Variants in NRCAM observed in about 807,000 individuals in gnomAD.
NRCAM encodes NgCAM-related cell adhesion molecule.
Under a neutral mutation model 156.5 loss-of-function variants are expected in NRCAM, and 83 were observed. The ratio of observed to expected loss-of-function variants is 0.53; its 90% CI spans 0.44 to 0.64. The LOEUF (loss-of-function observed/expected upper bound fraction) is 0.64, where lower values mean the gene tolerates loss of function less well. NRCAM is among the 30% of genes least tolerant of loss of function. The pLI is 0.00. For synonymous variants in NRCAM, 538 were observed against 563.9 expected (o/e 0.95, Z 0.65); for missense variants, 1,417 against 1,597.3 (o/e 0.89, Z 1.92).
At chr7:108,415,817 G>C (rs1800853470) in intron 1 of NRCAM, among the ~76,000 whole-genome samples, 1 of 152,228 alleles carries the variant, frequency 6.6e-6, no homozygotes, top group Non-Finnish European at 1.5e-5. Flanking sequence ...AGGAGATGGA[G>C]GTTGCAGTGA....
At chr7:108,224,244 T>C (rs2093000791) in intron 10 of NRCAM, among the ~76,000 whole-genome samples, 1 of 152,090 alleles carries the variant, frequency 6.6e-6, no homozygotes, top group African/African-American at 2.4e-5. Context: ...TTCTGGAAGA[T>C]GTTAGATTTT....
intron 2 of NRCAM, among the ~76,000 whole-genome samples, chr7:108,382,869 G>C (rs999151628): frequency 7.9e-5 from 12 of 152,152 alleles, no homozygotes; most frequent in African/African-American, 2.7e-4. Context: ...GAAAAGCACT[G>C]TGGAACACTC....
At chr7:108,289,003 C>A (rs1374401356) in intron 3 of NRCAM, among the ~76,000 whole-genome samples, 1 of 151,972 alleles carries the variant, frequency 6.6e-6, no homozygotes, top group African/African-American at 2.4e-5. Context: ...ATTGGAATAG[C>A]ACATGAATTG....
In NRCAM at chr7:108,398,596, C is replaced by A. The variant is rs868267607; in HGVS notation, c.-174+840G>T. 6.1e-4 allele frequency among the ~76,000 whole-genome samples: 93 copies of A among 152,258 alleles called. 1 individual carries two copies. Among genetic ancestry groups the A allele is most frequent in the South Asian group, 2.1e-3 (10 of 4,824 alleles). ...ATTTCACACCCCTATCCCACTGCTC[C>A]TACCTGCAATGCCCTTGTCCACCCT... On this transcript the variant is annotated intron_variant, in intron 2 of 32. Transcript: ENST00000379028.
intron 22 of NRCAM, among the ~76,000 whole-genome samples, chr7:108,183,217 C>T (rs1371551911): frequency 3.9e-5 from 6 of 152,100 alleles, no homozygotes; most frequent in African/African-American, 7.2e-5. Flanking sequence ...TTAGACATTT[C>T]GGTCACATAG....
At chr7:108,393,566 C>T (rs892072503) in intron 2 of NRCAM, among the ~76,000 whole-genome samples, 1 of 151,824 alleles carries the variant, frequency 6.6e-6, no homozygotes, top group Non-Finnish European at 1.5e-5. Flanking sequence ...CTTCGGCTCT[C>T]ACTCAGTGGG....
intron 11 of NRCAM, among the ~76,000 whole-genome samples, chr7:108,211,166 C>G (rs561251434): frequency 6.6e-6 from 1 of 151,970 alleles, no homozygotes; most frequent in African/African-American, 2.4e-5. Flanking sequence ...CTGACTTTAC[C>G]TGGAGCTGAG....
At chr7:108,433,783 A>G (rs896620010) in intron 1 of NRCAM, among the ~76,000 whole-genome samples, 8 of 152,232 alleles carry the variant, frequency 5.3e-5, no homozygotes, top group African/African-American at 1.9e-4. Context: ...AGCTTCTTGT[A>G]TAGCCTGCAG....
At position 108,299,020 on chromosome 7, in the gene NRCAM, C is replaced by T. The variant is rs373093617; in HGVS notation, c.-107+13645G>A. Among the ~76,000 whole-genome samples the T allele has an allele frequency of 1.0e-4, 15 of 144,650 alleles. No homozygotes were observed. In the East Asian group the frequency reaches 2.1e-3, roughly 20 times the overall value. 94.9% of individuals were successfully genotyped at this position (144,650 alleles called of 152,430 possible). A position where few individuals can be genotyped will look rare whatever the true frequency, so the allele number is the denominator to read the frequency against. Reference sequence around the variant, plus strand: ...ACTTGGGAGGCTGAGGCAGAAGAATCGCTTGAACCCAGGAGGCAGAGTTTG... The same window carrying T: ...ACTTGGGAGGCTGAGGCAGAAGAATTGCTTGAACCCAGGAGGCAGAGTTTG... On this transcript the variant is annotated intron_variant, in intron 3 of 32. Transcript: ENST00000379028.
intron 3 of NRCAM, among the ~76,000 whole-genome samples, chr7:108,295,982 C>T (rs2098446998): frequency 6.6e-6 from 1 of 152,200 alleles, no homozygotes; most frequent in Admixed American, 6.5e-5. Flanking sequence ...CTTCACTGCG[C>T]TTGCTGAAGG....
At chr7:108,359,355 G>C (rs2099532526) in intron 2 of NRCAM, among the ~76,000 whole-genome samples, 1 of 152,186 alleles carries the variant, frequency 6.6e-6, no homozygotes, top group South Asian at 2.1e-4. Context: ...AGAAAGTCAA[G>C]AGTCCCATAA....
intron 20 of NRCAM, among the ~76,000 whole-genome samples, chr7:108,187,944 G>C (rs939394247): frequency 3.3e-5 from 5 of 151,746 alleles, no homozygotes; most frequent in African/African-American, 1.2e-4. Context: ...AACAAAGCGA[G>C]ACTCCGTCTC....
At chr7:108,317,767 G>C (rs2098945689) in intron 2 of NRCAM, among the ~76,000 whole-genome samples, 1 of 151,794 alleles carries the variant, frequency 6.6e-6, no homozygotes, top group East Asian at 2.0e-4. Context: ...AAATTAGTTG[G>C]ACGTGGTGGC....
chr7:108,303,593 C>G (rs1343884662), intron 3 of NRCAM, among the ~76,000 whole-genome samples: 8 of 152,124 alleles, frequency 5.3e-5, no homozygotes, highest in Non-Finnish European at 1.2e-4. Context: ...ATCCCAAATT[C>G]CTGGCCACAG....
chr7:108,247,806 T>C (rs1452900212), intron 3 of NRCAM, among the ~76,000 whole-genome samples: 11 of 152,214 alleles, frequency 7.2e-5, no homozygotes, highest in Admixed American at 7.2e-4. Flanking sequence ...CAGCTTCTAT[T>C]CTTCTCACTC....
chr7:108,227,392 C>T (rs1311252401), intron 8 of NRCAM, among the ~76,000 whole-genome samples: 1 of 152,168 alleles, frequency 6.6e-6, no homozygotes, highest in Non-Finnish European at 1.5e-5. Flanking sequence ...TACACATATA[C>T]ATTGTGTAAT....
At chr7:108,182,426 C>T (rs2064017174) in intron 23 of NRCAM, among the ~76,000 whole-genome samples, 1 of 152,162 alleles carries the variant, frequency 6.6e-6, no homozygotes, top group South Asian at 2.1e-4. Flanking sequence ...ATAGGGCTAT[C>T]TGTGGGACTT....
chr7:108,302,915 G>GTCCT (rs758508172), intron 3 of NRCAM, among the ~76,000 whole-genome samples: 17 of 152,120 alleles, frequency 1.1e-4, no homozygotes, highest in Non-Finnish European at 2.1e-4. Flanking sequence ...ATTCATCACA[G>GTCCT]TCCTGTCTTC....
At chr7:108,375,200 G>A (rs1409450540) in intron 2 of NRCAM, among the ~76,000 whole-genome samples, 3 of 152,048 alleles carry the variant, frequency 2.0e-5, no homozygotes, top group Non-Finnish European at 4.4e-5. Context: ...TAGTCCATGA[G>A]CTACTTGAAG....
Sources: allele counts gnomAD v4.1 joint callset (sites outside exome capture counted in the v4.1 genomes callset), GRCh38; gene constraint gnomAD v4.1.1; transcripts MANE v1.5; gene names NCBI Gene and HGNC (gene_info 2026-07-23, HGNC 2026-07-21).